CFAP299: variants seen among roughly 807,000 people sequenced by gnomAD.
CFAP299 encodes cilia- and flagella-associated protein 299.
CFAP299 carries 21 observed loss-of-function variants against 27.0 expected under a neutral mutation model. The ratio of observed to expected loss-of-function variants is 0.78; its 90% CI spans 0.55 to 1.12. The LOEUF (loss-of-function observed/expected upper bound fraction) is 1.12. Among genes scored for constraint, CFAP299 ranks in the 50% most tolerant of loss-of-function variants. The pLI is 0.00. For synonymous variants in CFAP299, 104 were observed against 98.1 expected, an observed-to-expected ratio of 1.06 and a Z score of -0.36; for missense variants, 310 against 276.6, an observed-to-expected ratio of 1.12 and a Z score of -0.86.
chr4:80,324,817 G>A, the CFAP299 span, among the ~76,000 whole-genome samples: 2 of 152,148 alleles, frequency 1.3e-5, no homozygotes, highest in Non-Finnish European at 2.9e-5. Flanking sequence ...GGTTTTAGGA[G>A]GGCGAGGTAA....
intron 3 of CFAP299, among the ~76,000 whole-genome samples, chr4:80,691,527 A>G (rs1213912017): frequency 6.6e-6 from 1 of 152,218 alleles, no homozygotes; most frequent in East Asian, 1.9e-4. Flanking sequence ...TAAATTAGGT[A>G]TTGATGGGAC....
At chr4:80,834,861 A>C (rs1170803231) in intron 3 of CFAP299, among the ~76,000 whole-genome samples, 1 of 152,176 alleles carries the variant, frequency 6.6e-6, no homozygotes, top group East Asian at 1.9e-4. Flanking sequence ...ACCTACAGAA[A>C]TTCAACAGCA....
intron 3 of CFAP299, among the ~76,000 whole-genome samples, chr4:80,778,723 A>T (rs1408877358): frequency 6.6e-6 from 1 of 152,106 alleles, no homozygotes; most frequent in Non-Finnish European, 1.5e-5. Flanking sequence ...CATCTTTTAA[A>T]AACTAAACTT....
intron 3 of CFAP299, among the ~76,000 whole-genome samples, chr4:80,697,079 C>T (rs1221566441): frequency 6.6e-6 from 1 of 152,100 alleles, no homozygotes; most frequent in Non-Finnish European, 1.5e-5. Context: ...AGCAGTGGCT[C>T]ATGCCTGTAA....
intron 3 of CFAP299, among the ~76,000 whole-genome samples, chr4:80,679,021 G>A (rs956795043): frequency 4.0e-5 from 6 of 151,860 alleles, no homozygotes; most frequent in Non-Finnish European, 7.4e-5. Flanking sequence ...ACTGTAATCC[G>A]TAACCATAAA....
At chr4:80,931,298 C>T (rs749249300) in intron 4 of CFAP299, among the ~76,000 whole-genome samples, 1 of 152,052 alleles carries the variant, frequency 6.6e-6, no homozygotes, top group Admixed American at 6.6e-5. Flanking sequence ...TTGGACAGAA[C>T]TACTTTGAAG....
chr4:80,836,991 A>G (rs532582397), intron 3 of CFAP299, among the ~76,000 whole-genome samples: 4 of 152,154 alleles, frequency 2.6e-5, no homozygotes, highest in Admixed American at 2.0e-4. Context: ...AGTAGTTTTT[A>G]TAATGAAATT....
rs116646054 is a variant in CFAP299, at chr4:80,923,885, T to C, written c.477-20925T>C. Among the ~76,000 whole-genome samples, 1,104 of 152,124 alleles carry C rather than the reference T, an allele frequency of 7.3e-3. 7 individuals are homozygous for C. The highest frequency in any genetic ancestry group is 0.025 in the African/African-American group (1,033 of 41,536). On this transcript the variant is annotated intron_variant, in intron 4 of 5. Coordinates refer to ENST00000358105, the MANE Select transcript of CFAP299 (RefSeq NM_152770.3). ...GAATTATTGTAATTTTAAGGTATTATATTAAAACTATAGTTATATATTTTT... is the reference window on the plus strand; with the variant it reads ...GAATTATTGTAATTTTAAGGTATTACATTAAAACTATAGTTATATATTTTT...
upstream of CFAP299, among the ~76,000 whole-genome samples, chr4:80,334,537 A>C: frequency 6.6e-6 from 1 of 152,124 alleles, no homozygotes. Flanking sequence ...CGGCCTCCCA[A>C]AGTGCTGGGA....
At chr4:80,943,488 C>A (rs1287762965) in intron 4 of CFAP299, among the ~76,000 whole-genome samples, 1 of 151,942 alleles carries the variant, frequency 6.6e-6, no homozygotes, top group Non-Finnish European at 1.5e-5. Context: ...GAAACAGGAT[C>A]AGAAGAATAT....
chr4:80,470,024 AAGG>A (rs1213133463), intron 2 of CFAP299, among the ~76,000 whole-genome samples: 1 of 152,172 alleles, frequency 6.6e-6, no homozygotes, highest in East Asian at 1.9e-4. Flanking sequence ...ATTTGCGCTG[AAGG>A]AATGTCTTTG....
chr4:80,341,903 A>G (rs770575078), intron 1 of CFAP299, among the ~76,000 whole-genome samples: 5 of 152,186 alleles, frequency 3.3e-5, no homozygotes, highest in Non-Finnish European at 5.9e-5. Context: ...TTGTAACCCA[A>G]TGAAAAGAAG....
chr4:80,865,106 T>A (rs1356043993), intron 3 of CFAP299, among the ~76,000 whole-genome samples: 1 of 152,154 alleles, frequency 6.6e-6, no homozygotes, highest in Admixed American at 6.5e-5. Flanking sequence ...AAACTCTCAA[T>A]GCTTTCATCT....
chr4:80,800,330 TAA>T (rs1420072816), intron 3 of CFAP299, among the ~76,000 whole-genome samples: 4 of 67,772 alleles, frequency 5.9e-5, no homozygotes, highest in South Asian at 9.3e-4. Context: ...ACATTAATAT[TAA>T]TATATATAAT....
chr4:80,730,248 C>CTCTCTGTGTGTGTGTGTGTGTGTG (rs1553953972), intron 3 of CFAP299, among the ~76,000 whole-genome samples: 1 of 130,802 alleles, frequency 7.6e-6, no homozygotes, highest in African/African-American at 3.1e-5. Flanking sequence ...CTCTCTCTCT[C>CTCTCTGTGTGTGTGTGTGTGTGTG]TGTGTGTGTG....
At chr4:80,541,708 G>A (rs951902184) in intron 2 of CFAP299, among the ~76,000 whole-genome samples, 1 of 152,108 alleles carries the variant, frequency 6.6e-6, no homozygotes, top group African/African-American at 2.4e-5. Context: ...AGTTCAGCAA[G>A]ATATTCTTGC....
intron 4 of CFAP299, among the ~76,000 whole-genome samples, chr4:80,926,841 T>G (rs1206826115): frequency 6.6e-6 from 1 of 152,028 alleles, no homozygotes; most frequent in Non-Finnish European, 1.5e-5. Flanking sequence ...ATATAAAACA[T>G]TGAACATTTT....
At chr4:80,579,186 C>A (rs1337447885) in intron 2 of CFAP299, among the ~76,000 whole-genome samples, 1 of 152,144 alleles carries the variant, frequency 6.6e-6, no homozygotes, top group African/African-American at 2.4e-5. Flanking sequence ...ATAATAGTGG[C>A]CTCCAACTTA....
intron 2 of CFAP299, among the ~76,000 whole-genome samples, chr4:80,436,526 T>C (rs1728092097): frequency 6.6e-6 from 1 of 152,050 alleles, no homozygotes; most frequent in Non-Finnish European, 1.5e-5. Flanking sequence ...ATGGTCTCAA[T>C]CTCCTGACCT....
Sources: allele counts gnomAD v4.1 joint callset (sites outside exome capture counted in the v4.1 genomes callset), GRCh38; gene constraint gnomAD v4.1.1; transcripts MANE v1.5; gene names NCBI Gene and HGNC (gene_info 2026-07-23, HGNC 2026-07-21).